The following PDE4D variants were observed in gnomAD, a reference collection of about 807,000 sequenced individuals.
The protein encoded by PDE4D is 3',5'-cyclic-AMP phosphodiesterase 4D.
PDE4D carries 24 observed loss-of-function variants against 87.4 expected under a neutral mutation model. That is an observed-to-expected ratio of 0.27 (90% CI 0.20 to 0.39). The LOEUF (loss-of-function observed/expected upper bound fraction) is 0.39, where lower values mean the gene tolerates loss of function less well. PDE4D is among the 10% of genes least tolerant of loss of function. PDE4D has a pLI of 1.00. For missense variants in PDE4D, 714 were observed against 1,041.0 expected (o/e 0.69, Z 4.32); for synonymous variants, 384 against 383.2 (o/e 1.00, Z -0.02).
intron 2 of PDE4D, among the ~76,000 whole-genome samples, chr5:59,195,157 C>A (rs962139986): frequency 3.9e-5 from 6 of 152,142 alleles, no homozygotes; most frequent in Non-Finnish European, 2.9e-5. Context: ...ATATAAACTT[C>A]TTTTCTATAT....
At chr5:59,193,283 A>G (rs1234400563) in intron 3 of PDE4D, among the ~76,000 whole-genome samples, 1 of 152,224 alleles carries the variant, frequency 6.6e-6, no homozygotes, top group African/African-American at 2.4e-5. Context: ...TATTTGAAGC[A>G]AAGACACTCT....
intron 1 of PDE4D, among the ~76,000 whole-genome samples, chr5:59,779,115 T>C (rs546250295): frequency 1.3e-5 from 2 of 152,038 alleles, no homozygotes; most frequent in Admixed American, 1.3e-4. Flanking sequence ...TGAGCCGAGA[T>C]TGCACCGCTG....
At chr5:59,249,698 C>T (rs934676329) in intron 1 of PDE4D, among the ~76,000 whole-genome samples, 1 of 152,052 alleles carries the variant, frequency 6.6e-6, no homozygotes, top group East Asian at 1.9e-4. Context: ...TAAAACTGTA[C>T]AATCCAGGTA....
chr5:59,810,459 T>C (rs1288644250), intron 1 of PDE4D, among the ~76,000 whole-genome samples: 1 of 152,246 alleles, frequency 6.6e-6, no homozygotes, highest in East Asian at 1.9e-4. Context: ...ACCGATATTT[T>C]AAATGATGAC....
intron 5 of PDE4D, among the ~76,000 whole-genome samples, chr5:59,058,767 T>G (rs1464181808): frequency 6.6e-6 from 1 of 151,988 alleles, no homozygotes; most frequent in African/African-American, 2.4e-5. Flanking sequence ...AAGAGACTCT[T>G]GGTGGAAGAA....
At chr5:60,078,251 G>A (rs895923012) in intron 2 of PDE4D, among the ~76,000 whole-genome samples, 49 of 152,110 alleles carry the variant, frequency 3.2e-4, no homozygotes, top group Non-Finnish European at 4.6e-4. Context: ...AATCAGAGTT[G>A]TGCTCTCTAG....
chr5:60,437,829 A>G (rs1162033789), intron 1 of PDE4D, among the ~76,000 whole-genome samples: 1 of 152,128 alleles, frequency 6.6e-6, no homozygotes, highest in African/African-American at 2.4e-5. Flanking sequence ...TTCCATATCA[A>G]TCCTGCTGTA....
chr5:60,008,525 T>C (rs1029853714), intron 2 of PDE4D, among the ~76,000 whole-genome samples: 4 of 152,020 alleles, frequency 2.6e-5, no homozygotes, highest in Admixed American at 2.6e-4. Flanking sequence ...CATCTTTCCA[T>C]GAGGATTGCA....
intron 1 of PDE4D, among the ~76,000 whole-genome samples, chr5:59,762,463 TGTATATGG>T (rs1762181745): frequency 2.4e-5 from 3 of 124,296 alleles, no homozygotes; most frequent in African/African-American, 3.0e-5. Context: ...TGTGTATATG[TGTATATGG>T]GTACACATAT....
intron 1 of PDE4D, among the ~76,000 whole-genome samples, chr5:60,436,969 A>G (rs1360330044): frequency 6.6e-6 from 1 of 152,080 alleles, no homozygotes; most frequent in African/African-American, 2.4e-5. Context: ...TCATGTTTTA[A>G]AAACAAAATT....
chr5:59,862,972 G>A (rs1050418720), intron 1 of PDE4D, among the ~76,000 whole-genome samples: 1 of 152,258 alleles, frequency 6.6e-6, no homozygotes. Context: ...TCATATTATT[G>A]TTTTAATTAT....
chr5:60,482,888 T>C (rs1219189484), intron 1 of PDE4D, among the ~76,000 whole-genome samples: 2 of 152,208 alleles, frequency 1.3e-5, no homozygotes, highest in Non-Finnish European at 1.5e-5. Flanking sequence ...TTGTAGATAA[T>C]TGTCCTAGCT....
chr5:59,780,071 G>C (rs80044667), intron 1 of PDE4D, among the ~76,000 whole-genome samples: 2,337 of 152,260 alleles, frequency 0.015, 20 homozygotes, highest in Middle Eastern at 0.048. Flanking sequence ...AAATTAAGAA[G>C]AGCGTCAGTG....
intron 2 of PDE4D, chr5:60,147,880 T>A (rs1009771882): frequency 1.6e-5 from 7 of 432,100 alleles, no homozygotes; most frequent in Non-Finnish European, 2.8e-5. Flanking sequence ...GAGTGAGTGA[T>A]TGGAGAAAGA....
chr5:59,545,719 G>C (rs904832628), intron 1 of PDE4D, among the ~76,000 whole-genome samples: 1 of 152,034 alleles, frequency 6.6e-6, no homozygotes, highest in Non-Finnish European at 1.5e-5. Flanking sequence ...AGTGCTCTCC[G>C]CATGAAAAAT....
rs1393471242 is a variant in PDE4D at position 59,492,926 on chromosome 5, C to T, written c.456-276958G>A. Among the ~76,000 whole-genome samples the T allele has an allele frequency of 2.0e-5, 3 of 152,150 alleles. No homozygotes were observed. The East Asian group carries it at 5.8e-4, about 29-fold the overall frequency. On this transcript the variant is annotated intron_variant, in intron 1 of 14. Transcript: ENST00000340635. ...TCCATATAAGACGCGACTTGCTCCTCCTTGCCTTTTGCCATGATTGTGAGG... is the reference window on the plus strand; with the variant it reads ...TCCATATAAGACGCGACTTGCTCCTTCTTGCCTTTTGCCATGATTGTGAGG...
intron 2 of PDE4D, among the ~76,000 whole-genome samples, chr5:60,065,803 A>C (rs892532738): frequency 2.0e-5 from 3 of 152,166 alleles, no homozygotes; most frequent in African/African-American, 7.2e-5. Context: ...CATGGTGTAT[A>C]TGTGCCACAT....
chr5:59,928,415 C>T (rs962199582), intron 3 of PDE4D, among the ~76,000 whole-genome samples: 2 of 151,808 alleles, frequency 1.3e-5, no homozygotes, highest in Non-Finnish European at 1.5e-5. Context: ...CCGTCTCTAC[C>T]GAAAATACAA....
intron 1 of PDE4D, among the ~76,000 whole-genome samples, chr5:60,338,338 G>A (rs1758000004): frequency 6.6e-6 from 1 of 152,224 alleles, no homozygotes; most frequent in Admixed American, 6.5e-5. Flanking sequence ...ATGCCAAGGA[G>A]CAAGAATCAC....
Sources: allele counts gnomAD v4.1 joint callset (sites outside exome capture counted in the v4.1 genomes callset), GRCh38; gene constraint gnomAD v4.1.1; transcripts MANE v1.5; gene names NCBI Gene and HGNC (gene_info 2026-07-23, HGNC 2026-07-21).